Variants in EEFSEC observed in about 807,000 individuals in gnomAD.
The protein encoded by EEFSEC is selenocysteine-specific elongation factor.
EEFSEC carries 43 observed loss-of-function variants against 42.1 expected under a neutral mutation model. That is an observed-to-expected ratio of 1.02 (90% CI 0.80 to 1.32). EEFSEC has a LOEUF of 1.32. Ranked by LOEUF, EEFSEC falls within the 40% of genes most tolerant of loss-of-function variation. The pLI is 0.00. For synonymous variants in EEFSEC, 354 were observed against 339.1 expected (o/e 1.04, Z -0.48); for missense variants, 745 against 803.6 (o/e 0.93, Z 0.88).
intron 1 of EEFSEC, among the ~76,000 whole-genome samples, chr3:128,223,438 G>A (rs2065879686): frequency 6.6e-6 from 1 of 152,204 alleles, no homozygotes; most frequent in Non-Finnish European, 1.5e-5. Context: ...AGGGACCCCT[G>A]AACTGGTAGC....
intron 4 of EEFSEC, among the ~76,000 whole-genome samples, chr3:128,266,109 A>G (rs1358566812): frequency 1.3e-5 from 2 of 152,152 alleles, no homozygotes; most frequent in South Asian, 2.1e-4. Context: ...TTTTGTTCTT[A>G]AGGCCTTCAA....
intron 1 of EEFSEC, among the ~76,000 whole-genome samples, chr3:128,202,581 G>T (rs990184988): frequency 3.3e-5 from 5 of 152,086 alleles, no homozygotes; most frequent in African/African-American, 1.2e-4. Flanking sequence ...AATCATGTCA[G>T]CTAAGAATAA....
downstream of EEFSEC, among the ~76,000 whole-genome samples, chr3:128,412,554 G>A (rs1413094054): frequency 6.6e-6 from 1 of 152,198 alleles, no homozygotes; most frequent in Non-Finnish European, 1.5e-5. Flanking sequence ...ACCTGCCAGA[G>A]GGAACAGCAG....
downstream of EEFSEC, among the ~76,000 whole-genome samples, chr3:128,412,934 G>A (rs1482928034): frequency 6.6e-6 from 1 of 152,174 alleles, no homozygotes; most frequent in Non-Finnish European, 1.5e-5. Flanking sequence ...AGGCCTAGAA[G>A]GCTGTCTGCT....
chr3:128,394,934 C>T (rs1467967794), intron 6 of EEFSEC, among the ~76,000 whole-genome samples: 2 of 152,230 alleles, frequency 1.3e-5, no homozygotes, highest in East Asian at 3.8e-4. Context: ...TTCCCCTTGG[C>T]CAGCCATTGG....
At chr3:128,377,547 T>C (rs1478014586) in intron 6 of EEFSEC, among the ~76,000 whole-genome samples, 1 of 152,238 alleles carries the variant, frequency 6.6e-6, no homozygotes, top group Non-Finnish European at 1.5e-5. Context: ...TGTTCAGTCA[T>C]GTGGCCATTG....
chr3:128,203,782 C>T (rs894415128), intron 1 of EEFSEC, among the ~76,000 whole-genome samples: 1 of 152,202 alleles, frequency 6.6e-6, no homozygotes, highest in African/African-American at 2.4e-5. Context: ...ATTGATACCA[C>T]CTATCTTATT....
At chr3:128,154,982 A>T (rs779808409) in intron 1 of EEFSEC, among the ~76,000 whole-genome samples, 1 of 152,218 alleles carries the variant, frequency 6.6e-6, no homozygotes, top group African/African-American at 2.4e-5. Context: ...TATACATGTA[A>T]TACATGAATA....
intron 6 of EEFSEC, among the ~76,000 whole-genome samples, chr3:128,375,057 GA>G (rs748114720): frequency 2.2e-4 from 34 of 152,358 alleles, no homozygotes; most frequent in Non-Finnish European, 4.6e-4. Context: ...GGTGGTTAAA[GA>G]AATACTCTAA....
chr3:128,297,514 G>C (rs751796999), intron 4 of EEFSEC, among the ~76,000 whole-genome samples: 1 of 152,180 alleles, frequency 6.6e-6, no homozygotes, highest in Non-Finnish European at 1.5e-5. Context: ...TATGAGAGCA[G>C]TGTCTGGTTG....
At chr3:128,355,089 C>T (rs924396661) in intron 5 of EEFSEC, among the ~76,000 whole-genome samples, 3 of 152,226 alleles carry the variant, frequency 2.0e-5, no homozygotes, top group African/African-American at 7.2e-5. Context: ...CCCCTTGATG[C>T]CATGTGTGGG....
chr3:128,175,620 C>T (rs999023560), intron 1 of EEFSEC, among the ~76,000 whole-genome samples: 1 of 152,160 alleles, frequency 6.6e-6, no homozygotes, highest in Non-Finnish European at 1.5e-5. Context: ...TTAATGAGTC[C>T]CAGATACATG....
At chr3:128,192,931 A>G (rs1391381040) in intron 1 of EEFSEC, among the ~76,000 whole-genome samples, 2 of 152,194 alleles carry the variant, frequency 1.3e-5, no homozygotes, top group East Asian at 3.9e-4. Flanking sequence ...TGCTTTAAAC[A>G]GGGACTGTAC....
intron 5 of EEFSEC, among the ~76,000 whole-genome samples, chr3:128,343,603 A>G (rs1438554382): frequency 1.3e-5 from 2 of 152,198 alleles, no homozygotes; most frequent in Non-Finnish European, 2.9e-5. Context: ...ATTCTATAGT[A>G]AAATATCTAT....
intron 6 of EEFSEC, among the ~76,000 whole-genome samples, chr3:128,362,478 T>C (rs527512757): frequency 8.5e-5 from 13 of 152,214 alleles, no homozygotes; most frequent in African/African-American, 3.1e-4. Context: ...GGGCTGTTGT[T>C]TTGTGTACCT....
At chr3:128,229,502 C>T (rs1473131547) in intron 1 of EEFSEC, among the ~76,000 whole-genome samples, 1 of 152,178 alleles carries the variant, frequency 6.6e-6, no homozygotes, top group East Asian at 1.9e-4. Flanking sequence ...GTCAAATCTG[C>T]CCTACCCCAG....
rs2066134013 is a variant in EEFSEC at position 128,246,873 on chromosome 3, T to A, written c.354T>A (p.Asp118Glu). 2.5e-6 allele frequency: 4 copies of A among 1,614,042 alleles called. No individual in the cohort carries two copies. The South Asian group carries it at 3.3e-5, about 13-fold the overall frequency. ...TTGATCTGATGATGCTGGTCATCGA[T>A]GTGACCAAGGGGATGCAGACCCAGT... ...QIIDLMMLVI[D>E]VTKGMQTQSA... The change falls in exon 2 of 7, where the codon GAT becomes GAA. Residue 118 changes from aspartate to glutamate, a missense_variant. Asp to Glu is a conservative substitution (Grantham distance 45, BLOSUM62 2). Transcript: ENST00000254730.
At chr3:128,360,412 G>C (rs982942204) in intron 6 of EEFSEC, among the ~76,000 whole-genome samples, 13 of 152,210 alleles carry the variant, frequency 8.5e-5, no homozygotes, top group African/African-American at 3.1e-4. Context: ...CTTCCAGCTG[G>C]GTCGGGGGCC....
At position 128,246,948 on chromosome 3, in the gene EEFSEC, G is replaced by T; in HGVS notation, c.429G>T (p.Val143=). 1 of 1,614,198 alleles carries T rather than the reference G, an allele frequency of 6.2e-7. No homozygotes were observed. The highest frequency in any genetic ancestry group is 1.3e-5 in the African/African-American group (1 of 75,032). ...IGQIACQKLV[V]VLNKIDLLPE... ...AGATTGCCTGCCAGAAGCTGGTCGTGGTGCTGAACAAAATAGACCTCTTAC... is the reference window on the plus strand; with the variant it reads ...AGATTGCCTGCCAGAAGCTGGTCGTTGTGCTGAACAAAATAGACCTCTTAC... Residue 143 remains valine, a synonymous_variant, in exon 2 of 7, where the codon GTG becomes GTT. Coordinates refer to ENST00000254730, the MANE Select transcript of EEFSEC (RefSeq NM_021937.5).
Sources: allele counts gnomAD v4.1 joint callset (sites outside exome capture counted in the v4.1 genomes callset), GRCh38; gene constraint gnomAD v4.1.1; transcripts MANE v1.5; gene names NCBI Gene and HGNC (gene_info 2026-07-23, HGNC 2026-07-21).